The following ANTXR1 variants were observed in gnomAD, a reference collection of about 807,000 sequenced individuals.
ANTXR1 encodes the protein anthrax toxin receptor 1.
A neutral mutation model predicts 78.1 loss-of-function variants in ANTXR1; 19 were observed. The ratio of observed to expected loss-of-function variants is 0.24; its 90% CI spans 0.17 to 0.36. The LOEUF (loss-of-function observed/expected upper bound fraction) is 0.36, where lower values mean the gene tolerates loss of function less well. Among genes scored for constraint, ANTXR1 ranks in the 10% least tolerant of loss-of-function variants. The probability of loss-of-function intolerance (pLI) is 1.00; values close to 1 mark genes in which losing one functional copy is unlikely to be tolerated. For synonymous variants in ANTXR1, 273 were observed against 260.5 expected, an observed-to-expected ratio of 1.05 and a Z score of -0.46; for missense variants, 518 against 718.6, an observed-to-expected ratio of 0.72 and a Z score of 3.19.
chr2:69,203,674 A>G (rs185202727), intron 17 of ANTXR1, among the ~76,000 whole-genome samples: 172 of 151,326 alleles, frequency 1.1e-3, no homozygotes, highest in Non-Finnish European at 1.9e-3. Context: ...CTCTCTTCCA[A>G]TCCTCACAAT....
At chr2:69,203,888 G>A (rs893112422) in intron 17 of ANTXR1, among the ~76,000 whole-genome samples, 3 of 152,156 alleles carry the variant, frequency 2.0e-5, no homozygotes, top group Non-Finnish European at 2.9e-5. Flanking sequence ...GTTGCAAATA[G>A]CAAACAGAGA....
chr2:69,238,613 A>T (rs1276658215), intron 17 of ANTXR1, among the ~76,000 whole-genome samples: 1 of 152,204 alleles, frequency 6.6e-6, no homozygotes. Flanking sequence ...GAATGATTTA[A>T]GTTAGAAACT....
At chr2:69,128,225 T>TG (rs765055021) in intron 12 of ANTXR1, among the ~76,000 whole-genome samples, 24 of 134,440 alleles carry the variant, frequency 1.8e-4, no homozygotes, top group African/African-American at 2.3e-4. Context: ...ACTCCATCTC[T>TG]GGAAAAAAAA....
chr2:69,153,742 C>T (rs150756207), intron 13 of ANTXR1, among the ~76,000 whole-genome samples: 35 of 152,280 alleles, frequency 2.3e-4, no homozygotes, highest in African/African-American at 8.2e-4. Flanking sequence ...AAAGAAGAGT[C>T]GGCAGGCCTG....
At chr2:69,235,559 G>A (rs918605858) in intron 17 of ANTXR1, among the ~76,000 whole-genome samples, 1 of 150,998 alleles carries the variant, frequency 6.6e-6, no homozygotes, top group African/African-American at 2.4e-5. Context: ...GGCTGAGGTG[G>A]GAGGATCACT....
At chr2:69,190,561 T>C (rs895057493) in intron 16 of ANTXR1, among the ~76,000 whole-genome samples, 9 of 152,200 alleles carry the variant, frequency 5.9e-5, no homozygotes, top group Non-Finnish European at 1.2e-4. Context: ...TAATTTTAAG[T>C]CTTATAGCAA....
At chr2:69,218,910 G>T (rs1404479740) in intron 17 of ANTXR1, among the ~76,000 whole-genome samples, 3 of 152,164 alleles carry the variant, frequency 2.0e-5, no homozygotes, top group Admixed American at 6.5e-5. Context: ...AAAGGCCGGA[G>T]CGACTTTGGT....
intron 17 of ANTXR1, among the ~76,000 whole-genome samples, chr2:69,217,682 CT>C (rs923184969): frequency 2.6e-5 from 4 of 152,154 alleles, no homozygotes; most frequent in African/African-American, 7.2e-5. Context: ...AGAAAATACC[CT>C]TATTAATTAA....
Position 69,118,892 on chromosome 2 carries a change from G to T in ANTXR1, c.803-4125G>T, listed in dbSNP as rs1168067694. ...TCATTTTTGTGGTAAAATGAAAACA[G>T]GCTCCAAACCAAACAATCCTCTCGG... On this transcript the variant is annotated intron_variant, in intron 10 of 17. Coordinates refer to ENST00000303714, the MANE Select transcript of ANTXR1 (RefSeq NM_032208.3). Among the ~76,000 whole-genome samples, 3 of 152,064 alleles carry T rather than the reference G, an allele frequency of 2.0e-5. No individual in the cohort carries two copies. The East Asian group carries it at 5.8e-4, about 29-fold the overall frequency.
intron 9 of ANTXR1, among the ~76,000 whole-genome samples, chr2:69,100,163 G>A (rs1671560248): frequency 6.6e-6 from 1 of 152,218 alleles, no homozygotes; most frequent in Non-Finnish European, 1.5e-5. Context: ...GATTAGTGGA[G>A]TTAAATCACT....
chr2:69,086,003 T>C (rs1424041503), intron 8 of ANTXR1, among the ~76,000 whole-genome samples: 1 of 152,154 alleles, frequency 6.6e-6, no homozygotes, highest in African/African-American at 2.4e-5. Flanking sequence ...TTACAACAAA[T>C]AAGACACCAA....
chr2:69,048,613 A>C (rs1174621143), intron 3 of ANTXR1, among the ~76,000 whole-genome samples: 1 of 152,148 alleles, frequency 6.6e-6, no homozygotes, highest in African/African-American at 2.4e-5. Flanking sequence ...CTGTGTAATA[A>C]TCTTTTACCA....
chr2:69,241,778 C>T (rs1013015841), intron 17 of ANTXR1, among the ~76,000 whole-genome samples: 1 of 152,154 alleles, frequency 6.6e-6, no homozygotes. Flanking sequence ...CCACCACAGA[C>T]AGGGTCTGAT....
chr2:69,047,114 A>G (rs1471194424), intron 3 of ANTXR1, among the ~76,000 whole-genome samples: 1 of 152,202 alleles, frequency 6.6e-6, no homozygotes, highest in Non-Finnish European at 1.5e-5. Context: ...GCTGACTTCT[A>G]GTATATGCAG....
chr2:69,174,444 C>G lies in ANTXR1; in HGVS notation c.1089+4155C>G, dbSNP rs369796343. On this transcript the variant is annotated intron_variant, in intron 14 of 17. Coordinates refer to ENST00000303714, the MANE Select transcript of ANTXR1 (RefSeq NM_032208.3). ...CTTGAGACCAGCCTGGCCAACATGG[C>G]AAAACACTGTCTCTACTAAAAATAC... 1.4e-4 allele frequency among the ~76,000 whole-genome samples: 21 copies of G among 152,104 alleles called. 1 individual carries two copies. Among genetic ancestry groups the G allele is most frequent in the African/African-American group, 4.8e-4 (20 of 41,512 alleles).
At chr2:69,150,063 CA>C (rs1673349567) in intron 12 of ANTXR1, among the ~76,000 whole-genome samples, 1 of 152,220 alleles carries the variant, frequency 6.6e-6, no homozygotes, top group Non-Finnish European at 1.5e-5. Flanking sequence ...CTGGCATTCC[CA>C]AGCTCTGGCT....
Position 69,073,038 on chromosome 2 carries a change from C to A in ANTXR1, c.429C>A (p.Ser143Arg), listed in dbSNP as rs754480769. ...GTTAAACAGGGTACAGGACAGCCAG[C>A]GTCATCATTGCTTTGACTGATGGAG... ...YENRQGYRTA[S>R]VIIALTDGEL... Residue 143 changes from serine (S) to arginine (R), a missense_variant, in exon 6 of 18, where the codon AGC becomes AGA. Coordinates refer to ENST00000303714, the MANE Select transcript of ANTXR1 (RefSeq NM_032208.3). The A allele has an allele frequency of 6.2e-7, 1 of 1,614,008 alleles. No individual in the cohort carries two copies.
intron 12 of ANTXR1, among the ~76,000 whole-genome samples, chr2:69,133,954 T>A (rs1345270020): frequency 6.6e-6 from 1 of 152,184 alleles, no homozygotes. Context: ...AATAATGTAC[T>A]TAGAAGAGCT....
intron 9 of ANTXR1, among the ~76,000 whole-genome samples, chr2:69,098,074 G>A (rs1352200182): frequency 6.6e-6 from 1 of 152,198 alleles, no homozygotes; most frequent in African/African-American, 2.4e-5. Context: ...ACCAGTGGTT[G>A]TGTGGGAGTG....
Sources: gnomAD v4.1 joint callset for allele counts (sites outside exome capture counted in the v4.1 genomes callset) on GRCh38, gnomAD v4.1.1 for gene constraint, MANE v1.5 for transcripts, NCBI Gene and HGNC (gene_info 2026-07-23, HGNC 2026-07-21) for gene names.